SYNPO2: variants seen among roughly 807,000 people sequenced by gnomAD.
The protein encoded by SYNPO2 is synaptopodin-2.
A neutral mutation model predicts 85.0 loss-of-function variants in SYNPO2; 56 were observed. The observed-to-expected ratio is 0.66, with a 90% CI of 0.53 to 0.82. SYNPO2 has a LOEUF of 0.82. Ranked by LOEUF, SYNPO2 falls within the 40% of genes least tolerant of loss-of-function variation. The pLI is 0.00. For synonymous variants in SYNPO2, 602 were observed against 591.1 expected, an observed-to-expected ratio of 1.02 and a Z score of -0.27; for missense variants, 1,575 against 1,534.2, an observed-to-expected ratio of 1.03 and a Z score of -0.44.
At chr4:118,867,185 G>A (rs1166957089) in intron 1 of SYNPO2, among the ~76,000 whole-genome samples, 3 of 151,950 alleles carry the variant, frequency 2.0e-5, no homozygotes, top group Non-Finnish European at 2.9e-5. Flanking sequence ...CATAGTTTGC[G>A]AACGTTTGCT....
chr4:119,012,678 G>A (rs778034975), intron 1 of SYNPO2, among the ~76,000 whole-genome samples: 16 of 152,092 alleles, frequency 1.1e-4, no homozygotes, highest in Admixed American at 3.9e-4. Flanking sequence ...TTAGTTTGCT[G>A]ACAATGGTGG....
intron 1 of SYNPO2, among the ~76,000 whole-genome samples, chr4:118,893,758 G>A (rs1055824672): frequency 6.6e-6 from 1 of 151,920 alleles, no homozygotes; most frequent in Non-Finnish European, 1.5e-5. Context: ...GCTATAGAAA[G>A]TTAAGGCCAA....
intron 1 of SYNPO2, among the ~76,000 whole-genome samples, chr4:118,981,999 GACCAACTAAT>G (rs1020321828): frequency 1.3e-5 from 2 of 152,106 alleles, no homozygotes; most frequent in African/African-American, 4.8e-5. Context: ...AGTGTGTTTT[GACCAACTAAT>G]ACATAACCTA....
chr4:119,034,934 G>A (rs752097), intron 4 of SYNPO2: 213,551 of 985,380 alleles, frequency 0.22, 23,922 homozygotes, highest in Middle Eastern at 0.28. Context: ...CGCTGGTTAT[G>A]AGGTGTAGGG....
At chr4:119,020,482 A>G (rs6824676) in intron 1 of SYNPO2, among the ~76,000 whole-genome samples, 94,634 of 151,988 alleles carry the variant, frequency 0.62, 30,113 homozygotes, top group Middle Eastern at 0.71. Flanking sequence ...TTGGGAGATT[A>G]TTTATTTTTA....
chr4:119,037,193 T>A (rs750345849), intron 4 of SYNPO2: 1 of 1,541,240 alleles, frequency 6.5e-7, no homozygotes, highest in South Asian at 1.2e-5. Context: ...TACCTGATAA[T>A]GATAATACTC....
Position 119,031,004 on chromosome 4 carries a change from T to C in SYNPO2, c.2229T>C (p.Cys743=). The change falls in exon 4 of 5, where the codon TGT becomes TGC. Residue 743 remains cysteine, a synonymous_variant. Coordinates refer to ENST00000307142, the MANE Select transcript of SYNPO2 (RefSeq NM_133477.3). ...ACCTCAGCTTGGGGGCAGAGGCTTG[T>C]AATTTCATGCAAAGCTCCTCTGCCA... ...EDYLSLGAEA[C]NFMQSSSAKQ... is the part of the protein sequence containing the mutation. The C allele has an allele frequency of 1.9e-6, 3 of 1,614,082 alleles. No individual in the cohort carries two copies. The highest frequency in any genetic ancestry group is 2.5e-6 in the Non-Finnish European group (3 of 1,180,002).
At chr4:118,920,559 T>A (rs936353614) in intron 1 of SYNPO2, among the ~76,000 whole-genome samples, 2 of 152,102 alleles carry the variant, frequency 1.3e-5, no homozygotes, top group Admixed American at 1.3e-4. Context: ...AACAAAATAA[T>A]CCACCATGGA....
At chr4:119,017,314 C>G (rs567595146) in intron 1 of SYNPO2, among the ~76,000 whole-genome samples, 1 of 152,288 alleles carries the variant, frequency 6.6e-6, no homozygotes, top group South Asian at 2.1e-4. Context: ...TTTCCAAGAT[C>G]TTAGCTACTA....
intron 1 of SYNPO2, among the ~76,000 whole-genome samples, chr4:119,002,548 A>C (rs982204031): frequency 6.6e-6 from 1 of 151,996 alleles, no homozygotes; most frequent in African/African-American, 2.4e-5. Context: ...TGCTGGGCCA[A>C]TGTCATTGGT....
chr4:118,977,067 G>A (rs553835406), intron 1 of SYNPO2, among the ~76,000 whole-genome samples: 1 of 152,348 alleles, frequency 6.6e-6, no homozygotes, highest in African/African-American at 2.4e-5. Context: ...CAGCCCTTGG[G>A]TGGTCGATGG....
chr4:118,872,035 A>G (rs899062412), intron 1 of SYNPO2, among the ~76,000 whole-genome samples: 1 of 152,242 alleles, frequency 6.6e-6, no homozygotes, highest in Non-Finnish European at 1.5e-5. Context: ...GTCAGTTAAA[A>G]GTGATTCCCA....
chr4:118,994,238 C>T (rs1421749867), intron 1 of SYNPO2, among the ~76,000 whole-genome samples: 1 of 152,210 alleles, frequency 6.6e-6, no homozygotes, highest in East Asian at 1.9e-4. Flanking sequence ...GAAAACCCTG[C>T]CATCAGCGAC....
chr4:119,010,113 A>G (rs1434613681), intron 1 of SYNPO2, among the ~76,000 whole-genome samples: 3 of 152,218 alleles, frequency 2.0e-5, no homozygotes, highest in Non-Finnish European at 4.4e-5. Context: ...TTGTGAAAAA[A>G]TAGGTCATCC....
rs1739249579 is a variant in SYNPO2, at chr4:119,057,564, C to G, written c.3416C>G (p.Pro1139Arg). The change falls in exon 5 of 5, where the codon CCT becomes CGT. Residue 1139 changes from proline (P) to arginine (R), a missense_variant. Physicochemically the swap from Pro to Arg is moderately radical, Grantham distance 103. This residue lies in a region of SYNPO2 where 1,508 missense variants were observed against 1,446.8 expected (regional missense o/e 1.04). Coordinates refer to ENST00000307142, the MANE Select transcript of SYNPO2 (RefSeq NM_133477.3). ...CCTTGGGAAGCAGCAGCAAAGTCTC[C>G]TCTCGGTCTAGTGGATGATGCTTTC... ...PTPWEAAAKS[P>R]LGLVDDAFQP... is the part of the protein sequence containing the mutation. 3.7e-6 allele frequency: 6 copies of G among 1,614,056 alleles called. No homozygotes were observed. Among genetic ancestry groups the G allele is most frequent in the Non-Finnish European group, 5.1e-6 (6 of 1,180,024 alleles).
exon 1 of SYNPO2, chr4:118,850,718 T>C: frequency 2.5e-6 from 1 of 398,652 alleles, no homozygotes; most frequent in Non-Finnish European, 4.4e-6. Context: ...TCAGAACATG[T>C]TGCTCTGGAG....
chr4:118,932,739 T>C (rs895014320), intron 1 of SYNPO2, among the ~76,000 whole-genome samples: 1 of 152,218 alleles, frequency 6.6e-6, no homozygotes, highest in Non-Finnish European at 1.5e-5. Context: ...TAAATAACCA[T>C]TGTTAATAAA....
chr4:118,895,461 C>T (rs1229903033), intron 1 of SYNPO2, among the ~76,000 whole-genome samples: 1 of 152,180 alleles, frequency 6.6e-6, no homozygotes, highest in East Asian at 1.9e-4. Flanking sequence ...CTCTCTGAGG[C>T]TGGTGTCCAA....
At chr4:119,038,158 C>A in intron 4 of SYNPO2, 2 of 985,326 alleles carry the variant, frequency 2.0e-6, no homozygotes, top group Non-Finnish European at 2.4e-6. Context: ...TCTCATCAGA[C>A]CCCGGAATTT....
Sources: allele counts gnomAD v4.1 joint callset (sites outside exome capture counted in the v4.1 genomes callset), GRCh38; gene constraint gnomAD v4.1.1; regional missense constraint gnomAD v4.1.1; transcripts MANE v1.5; gene names NCBI Gene and HGNC (gene_info 2026-07-23, HGNC 2026-07-21).